FMN2: variants seen among roughly 807,000 people sequenced by gnomAD.
FMN2 encodes formin 2.
In FMN2, 51 loss-of-function variants were observed where a neutral mutation model predicts 142.3. The observed-to-expected ratio is 0.36, with a 90% CI of 0.29 to 0.45. FMN2 has a LOEUF of 0.45. Among genes scored for constraint, FMN2 ranks in the 20% least tolerant of loss-of-function variants. FMN2 has a pLI of 1.00. For synonymous variants in FMN2, 882 were observed against 869.8 expected, an observed-to-expected ratio of 1.01 and a Z score of -0.25; for missense variants, 1,936 against 2,122.8, an observed-to-expected ratio of 0.91 and a Z score of 1.73.
chr1:240,416,070 A>T (rs184266427), intron 15 of FMN2, among the ~76,000 whole-genome samples: 6 of 152,152 alleles, frequency 3.9e-5, no homozygotes, highest in African/African-American at 1.4e-4. Context: ...CTACTCCTGC[A>T]CACATCAGTC....
chr1:240,213,918 G>T (rs116761662), intron 6 of FMN2, among the ~76,000 whole-genome samples: 224 of 152,320 alleles, frequency 1.5e-3, no homozygotes, highest in African/African-American at 5.1e-3. Flanking sequence ...GCACATTGCC[G>T]TTTGGCATAA....
intron 7 of FMN2, among the ~76,000 whole-genome samples, chr1:240,267,974 C>T (rs1269655388): frequency 1.3e-5 from 2 of 151,994 alleles, no homozygotes; most frequent in Non-Finnish European, 2.9e-5. Flanking sequence ...CCATTTTACA[C>T]CAGTCAGAGC....
chr1:240,405,336 A>T (rs1674110412), intron 15 of FMN2, among the ~76,000 whole-genome samples: 1 of 152,136 alleles, frequency 6.6e-6, no homozygotes, highest in African/African-American at 2.4e-5. Context: ...AAGTGTCTTT[A>T]GGCCGGGCGC....
At chr1:240,192,625 G>T (rs1028851834) in intron 4 of FMN2, among the ~76,000 whole-genome samples, 2 of 152,156 alleles carry the variant, frequency 1.3e-5, no homozygotes, top group African/African-American at 2.4e-5. Context: ...CCATGAGTTA[G>T]TCATCCTTGA....
In FMN2 at chr1:240,329,472, A is replaced by G; in HGVS notation, c.4437+4A>G. On this transcript the variant is annotated splice_donor_region_variant and intron_variant, in intron 10 of 17. Transcript: ENST00000319653. ...ATTACTACAGAAATTGTGTGAGGTGAGTTCTGGTCCAAAGAGAGCTGAACT... is the reference window on the plus strand; with the variant it reads ...ATTACTACAGAAATTGTGTGAGGTGGGTTCTGGTCCAAAGAGAGCTGAACT... 6.2e-7 allele frequency: 1 copy of G among 1,612,880 alleles called. No homozygotes were observed. Among genetic ancestry groups the G allele is most frequent in the Non-Finnish European group, 8.5e-7 (1 of 1,179,628 alleles).
intron 3 of FMN2, among the ~76,000 whole-genome samples, chr1:240,182,905 ATTTCT>A (rs1339863513): frequency 6.8e-6 from 1 of 146,088 alleles, no homozygotes. Context: ...AATACAACTC[ATTTCT>A]TTTCTTTTCT....
intron 7 of FMN2, among the ~76,000 whole-genome samples, chr1:240,288,955 C>G (rs564685453): frequency 3.3e-5 from 5 of 152,246 alleles, no homozygotes; most frequent in African/African-American, 1.2e-4. Flanking sequence ...TGATTGCAGT[C>G]TTATGGGAGA....
chr1:240,362,062 G>A (rs990361831), intron 14 of FMN2, among the ~76,000 whole-genome samples: 6 of 152,180 alleles, frequency 3.9e-5, no homozygotes, highest in South Asian at 2.1e-4. Flanking sequence ...TGAAGGTGGG[G>A]GTCAGTGGAC....
intron 15 of FMN2, among the ~76,000 whole-genome samples, chr1:240,415,018 C>T (rs1674529758): frequency 6.6e-6 from 1 of 152,178 alleles, no homozygotes; most frequent in African/African-American, 2.4e-5. Context: ...ACACCCTTAG[C>T]ATTGATGCAG....
intron 2 of FMN2, among the ~76,000 whole-genome samples, chr1:240,162,788 G>A (rs1331058964): frequency 6.6e-6 from 1 of 151,928 alleles, no homozygotes; most frequent in Non-Finnish European, 1.5e-5. Context: ...CCTTCTTTGG[G>A]CTAAATTGCT....
At chr1:240,346,284 T>A (rs983494683) in intron 13 of FMN2, among the ~76,000 whole-genome samples, 1 of 151,656 alleles carries the variant, frequency 6.6e-6, no homozygotes, top group African/African-American at 2.4e-5. Flanking sequence ...ATAATAATAA[T>A]AAAAATAATT....
At chr1:240,213,053 T>C (rs1666755164) in intron 6 of FMN2, among the ~76,000 whole-genome samples, 1 of 152,184 alleles carries the variant, frequency 6.6e-6, no homozygotes, top group African/African-American at 2.4e-5. Flanking sequence ...CTGTTTGACA[T>C]AGTATTAAGT....
At chr1:240,113,031 C>T (rs923558203) in intron 1 of FMN2, among the ~76,000 whole-genome samples, 1 of 152,186 alleles carries the variant, frequency 6.6e-6, no homozygotes, top group Non-Finnish European at 1.5e-5. Context: ...AAGTAAAATG[C>T]AGGCTTGAAT....
chr1:240,449,049 G>A (rs1675918235), intron 16 of FMN2, among the ~76,000 whole-genome samples: 1 of 151,884 alleles, frequency 6.6e-6, no homozygotes, highest in Non-Finnish European at 1.5e-5. Flanking sequence ...GCCCGAGGTG[G>A]GAGGATCACT....
chr1:240,275,050 G>A (rs1202487120), intron 7 of FMN2, among the ~76,000 whole-genome samples: 4 of 150,766 alleles, frequency 2.7e-5, no homozygotes, highest in Admixed American at 6.6e-5. Flanking sequence ...AGGGGAAATT[G>A]GGGTCAAGAA....
At chr1:240,405,396 ATCACCTGAGC>A (rs1674112691) in intron 15 of FMN2, among the ~76,000 whole-genome samples, 1 of 152,220 alleles carries the variant, frequency 6.6e-6, no homozygotes, top group Non-Finnish European at 1.5e-5. Flanking sequence ...AGGAAGGTGG[ATCACCTGAGC>A]TCAGGAGTTC....
intron 2 of FMN2, among the ~76,000 whole-genome samples, chr1:240,147,980 G>T (rs979188503): frequency 2.0e-5 from 3 of 152,188 alleles, no homozygotes; most frequent in African/African-American, 7.2e-5. Context: ...ACTTCGCCAT[G>T]GAAGCTGCTC....
chr1:240,342,866 A>T (rs1027856514), intron 13 of FMN2, among the ~76,000 whole-genome samples: 5 of 151,986 alleles, frequency 3.3e-5, no homozygotes, highest in African/African-American at 1.2e-4. Context: ...ACAGTATACA[A>T]TTTTTTTTCA....
At chr1:240,375,576 T>TCAAA (rs1673014721) in intron 14 of FMN2, among the ~76,000 whole-genome samples, 1 of 152,184 alleles carries the variant, frequency 6.6e-6, no homozygotes, top group Non-Finnish European at 1.5e-5. Context: ...TCAAATGAAA[T>TCAAA]ATTTACCCTT....
Sources: allele counts gnomAD v4.1 joint callset (sites outside exome capture counted in the v4.1 genomes callset), GRCh38; gene constraint gnomAD v4.1.1; transcripts MANE v1.5; gene names NCBI Gene and HGNC (gene_info 2026-07-23, HGNC 2026-07-21).